HIP1: variants seen among roughly 807,000 people sequenced by gnomAD.
HIP1 encodes the protein huntingtin interacting protein 1, also known as huntingtin-interacting protein 1.
Under a neutral mutation model 147.6 loss-of-function variants are expected in HIP1, and 65 were observed. The observed-to-expected ratio is 0.44, with a 90% CI of 0.36 to 0.54. HIP1 has a LOEUF of 0.54. HIP1 is among the 20% of genes least tolerant of loss of function. The probability of loss-of-function intolerance (pLI) is 0.00; values close to 1 mark genes in which losing one functional copy is unlikely to be tolerated. For missense variants in HIP1, 1,061 were observed against 1,299.6 expected (o/e 0.82, Z 2.82); for synonymous variants, 479 against 504.0 (o/e 0.95, Z 0.67).
chr7:75,685,807 C>T (rs1186860328), intron 1 of HIP1, among the ~76,000 whole-genome samples: 1 of 152,192 alleles, frequency 6.6e-6, no homozygotes, highest in Non-Finnish European at 1.5e-5. Context: ...CCTCGGCCTC[C>T]CAAAGTGCTG....
intron 7 of HIP1, 83 bp downstream of exon 7, chr7:75,581,154 C>T: frequency 9.5e-7 from 1 of 1,050,312 alleles, no homozygotes; most frequent in Admixed American, 2.0e-5. Context: ...ACCCCTTGTG[C>T]TGCACACTTT....
chr7:75,649,029 CT>C lies in HIP1; in HGVS notation c.121-49783del, dbSNP rs797033575. Reference sequence around the variant, plus strand: ...CTCACTGAGTTGTCCAGGCTAGGAACTTTTTTTTTTTTAAGACAGAGTTTTG... The same window carrying C: ...CTCACTGAGTTGTCCAGGCTAGGAACTTTTTTTTTTTAAGACAGAGTTTTG... On this transcript the variant is annotated intron_variant, in intron 1 of 30. Transcript: ENST00000336926. 4.3e-3 allele frequency among the ~76,000 whole-genome samples: 623 copies of C among 145,638 alleles called. 8 individuals are homozygous for C. Among genetic ancestry groups the C allele is most frequent in the Middle Eastern group, 0.011 (3 of 278 alleles).
intron 1 of HIP1, among the ~76,000 whole-genome samples, chr7:75,677,344 G>T (rs533417925): frequency 6.6e-6 from 1 of 150,882 alleles, no homozygotes; most frequent in Admixed American, 6.6e-5. Flanking sequence ...GGTGGCTCAC[G>T]CCTGTAATCC....
At chr7:75,714,946 G>A (rs180720226) in intron 1 of HIP1, among the ~76,000 whole-genome samples, 4 of 152,226 alleles carry the variant, frequency 2.6e-5, no homozygotes, top group Non-Finnish European at 4.4e-5. Flanking sequence ...GCCTCCTCCC[G>A]TCTGTGACAG....
intron 11 of HIP1, among the ~76,000 whole-genome samples, chr7:75,562,723 G>C (rs1260678987): frequency 6.6e-6 from 1 of 152,172 alleles, no homozygotes; most frequent in Non-Finnish European, 1.5e-5. Flanking sequence ...GCCTTGCAAA[G>C]TGTTGGGATT....
rs78775414 is a variant in HIP1 at position 75,550,883 on chromosome 7, A to G, written c.2296-1882T>C. On this transcript the variant is annotated intron_variant, in intron 22 of 30. Transcript: ENST00000336926. ...CCTAATACCTAGTAATTCTGATTCTATGTATATACTCTAGAGAAACTGACA... is the reference window on the plus strand; with the variant it reads ...CCTAATACCTAGTAATTCTGATTCTGTGTATATACTCTAGAGAAACTGACA... Among the ~76,000 whole-genome samples, 31 of 152,280 alleles carry G rather than the reference A, an allele frequency of 2.0e-4. 1 individual carries two copies. In the East Asian group the frequency reaches 4.8e-3, roughly 24 times the overall value.
intron 1 of HIP1, among the ~76,000 whole-genome samples, chr7:75,707,362 T>C (rs1329601075): frequency 1.5e-5 from 1 of 67,798 alleles, no homozygotes; most frequent in African/African-American, 6.4e-5. Flanking sequence ...GTGGTTTTGA[T>C]TTGCATTTCT....
At chr7:75,567,161 G>A (rs1795437116) in intron 9 of HIP1, among the ~76,000 whole-genome samples, 1 of 147,290 alleles carries the variant, frequency 6.8e-6, no homozygotes, top group South Asian at 2.1e-4. Flanking sequence ...AGAGAGAAAG[G>A]TTTTTTTTTG....
At chr7:75,614,988 G>A (rs1253011499) in intron 1 of HIP1, among the ~76,000 whole-genome samples, 1 of 151,974 alleles carries the variant, frequency 6.6e-6, no homozygotes, top group Non-Finnish European at 1.5e-5. Flanking sequence ...GGCCTGTCTT[G>A]TCTCGAACTC....
intron 29 of HIP1, among the ~76,000 whole-genome samples, chr7:75,540,664 C>T (rs1224939823): frequency 2.0e-5 from 3 of 151,826 alleles, no homozygotes; most frequent in Admixed American, 2.0e-4. Context: ...TTAACAATTC[C>T]AATTTGAAAT....
Position 75,686,776 on chromosome 7 carries a change from C to G in HIP1, c.120+52025G>C, listed in dbSNP as rs558836158. Among the ~76,000 whole-genome samples, 5 of 151,848 alleles carry G rather than the reference C, an allele frequency of 3.3e-5. No homozygotes were observed. The East Asian group carries it at 7.7e-4, about 23-fold the overall frequency. On this transcript the variant is annotated intron_variant, in intron 1 of 30. Transcript: ENST00000336926. ...TCCTGGGCTCAAGCCATCCTCCCCT[C>G]TTAGCCTCCCAAGTGGCTGGGACTA...
At chr7:75,665,505 G>T (rs1342380280) in intron 1 of HIP1, among the ~76,000 whole-genome samples, 1 of 151,694 alleles carries the variant, frequency 6.6e-6, no homozygotes, top group Non-Finnish European at 1.5e-5. Context: ...TTTGCTAATG[G>T]TATCTTTTCT....
At chr7:75,727,471 G>A (rs782753925) in intron 1 of HIP1, among the ~76,000 whole-genome samples, 1 of 151,590 alleles carries the variant, frequency 6.6e-6, no homozygotes, top group Non-Finnish European at 1.5e-5. Flanking sequence ...CTGGATATAG[G>A]CCCTTTGATA....
chr7:75,646,740 A>G (rs1322223201), intron 1 of HIP1, among the ~76,000 whole-genome samples: 3 of 152,144 alleles, frequency 2.0e-5, no homozygotes, highest in Non-Finnish European at 4.4e-5. Context: ...ATCTGCTGGG[A>G]TATGTCTGCC....
intron 1 of HIP1, among the ~76,000 whole-genome samples, chr7:75,673,969 G>A (rs1338158161): frequency 1.3e-5 from 2 of 152,010 alleles, no homozygotes; most frequent in Non-Finnish European, 2.9e-5. Context: ...CCAGATGACA[G>A]AGCAAGAAAG....
At chr7:75,569,871 A>G (rs1384131176) in intron 8 of HIP1, among the ~76,000 whole-genome samples, 1 of 152,154 alleles carries the variant, frequency 6.6e-6, no homozygotes, top group Non-Finnish European at 1.5e-5. Context: ...ACATGCATGT[A>G]CCGGGTGAGA....
At chr7:75,595,280 C>T (rs932308085) in intron 2 of HIP1, among the ~76,000 whole-genome samples, 2,608 of 111,278 alleles carry the variant, frequency 0.023, 84 homozygotes, top group African/African-American at 0.043. Context: ...TCCTTCCTTC[C>T]TTCCTTTCTT....
At chr7:75,607,386 G>A (rs1164655353) in intron 1 of HIP1, among the ~76,000 whole-genome samples, 1 of 151,360 alleles carries the variant, frequency 6.6e-6, no homozygotes, top group Non-Finnish European at 1.5e-5. Context: ...ACACCACCAA[G>A]CCCGGCTAAT....
intron 1 of HIP1, among the ~76,000 whole-genome samples, chr7:75,600,300 G>A (rs758477305): frequency 4.0e-5 from 6 of 151,750 alleles, no homozygotes; most frequent in Non-Finnish European, 8.8e-5. Flanking sequence ...TAGTACAGAC[G>A]GGGTTTCGCC....
Sources: allele counts gnomAD v4.1 joint callset (sites outside exome capture counted in the v4.1 genomes callset), GRCh38; gene constraint gnomAD v4.1.1; transcripts MANE v1.5; gene names NCBI Gene and HGNC (gene_info 2026-07-23, HGNC 2026-07-21).